The following SLC25A48 variants were observed in gnomAD, a reference collection of about 807,000 sequenced individuals.
The protein encoded by SLC25A48 is solute carrier family 25 member 48.
A neutral mutation model predicts 32.2 loss-of-function variants in SLC25A48; 29 were observed. That is an observed-to-expected ratio of 0.90 (90% CI 0.67 to 1.23). The LOEUF is 1.23. SLC25A48 is among the 50% of genes most tolerant of loss of function. The probability of loss-of-function intolerance (pLI) is 0.00; values close to 1 mark genes in which losing one functional copy is unlikely to be tolerated. For synonymous variants in SLC25A48, 164 were observed against 172.3 expected (o/e 0.95, Z 0.38); for missense variants, 399 against 422.7 (o/e 0.94, Z 0.49).
chr5:135,654,150 G>A (rs554695769), intron 3 of SLC25A48, among the ~76,000 whole-genome samples: 12 of 152,250 alleles, frequency 7.9e-5, no homozygotes, highest in African/African-American at 2.4e-4. Flanking sequence ...TTGTGAGTAC[G>A]GGTTACTAGG....
At chr5:135,634,304 C>T (rs1354629478) in intron 2 of SLC25A48, among the ~76,000 whole-genome samples, 1 of 152,224 alleles carries the variant, frequency 6.6e-6, no homozygotes, top group Admixed American at 6.5e-5. Flanking sequence ...AAATAACAGG[C>T]ATCTCTTCCA....
At chr5:135,819,076 G>A (rs1370916608) in intron 4 of SLC25A48, among the ~76,000 whole-genome samples, 2 of 151,616 alleles carry the variant, frequency 1.3e-5, no homozygotes, top group East Asian at 1.9e-4. Flanking sequence ...AGAGCCTCAG[G>A]GATCCATGGA....
At chr5:135,608,716 A>G (rs1751997973) in intron 1 of SLC25A48, among the ~76,000 whole-genome samples, 1 of 152,164 alleles carries the variant, frequency 6.6e-6, no homozygotes, top group Admixed American at 6.5e-5. Context: ...CTGAGCAGGA[A>G]ATGGAGGGTG....
Position 135,758,775 on chromosome 5 carries a change from C to T in SLC25A48, c.-520-53748C>T, listed in dbSNP as rs76942305. Among the ~76,000 whole-genome samples, 96 of 149,800 alleles carry T rather than the reference C, an allele frequency of 6.4e-4. 2 individuals are homozygous for T. In the East Asian group the frequency reaches 0.014, roughly 22 times the overall value. On this transcript the variant is annotated intron_variant, in intron 3 of 10. Coordinates refer to the SLC25A48 transcript ENST00000646290. ...ATAATACCAAGCATTAACACATTGA[C>T]GTTAATATATCATCTGTGCTATGAA...
intron 3 of SLC25A48, among the ~76,000 whole-genome samples, chr5:135,668,250 C>T (rs1361748612): frequency 6.6e-6 from 1 of 152,138 alleles, no homozygotes; most frequent in Non-Finnish European, 1.5e-5. Context: ...AACTCAGGAT[C>T]CTATAAGCTG....
intron 3 of SLC25A48, among the ~76,000 whole-genome samples, chr5:135,764,768 T>C (rs1489726972): frequency 6.7e-6 from 1 of 149,834 alleles, no homozygotes; most frequent in Non-Finnish European, 1.5e-5. Context: ...TGTGATATGG[T>C]TCATAATATC....
At position 135,586,455 on chromosome 5, in the gene SLC25A48, C is replaced by G. The variant is rs180713688; in HGVS notation, c.-849+6858C>G. 2.8e-3 allele frequency among the ~76,000 whole-genome samples: 424 copies of G among 152,346 alleles called. 1 individual carries two copies. The highest frequency in any genetic ancestry group is 9.2e-3 in the African/African-American group (383 of 41,578). Reference sequence around the variant, plus strand: ...ATTTAACTTGTGGCCTGTATTTTAACTGGCAACCCTACATCCAGTACCAGA... The same window carrying G: ...ATTTAACTTGTGGCCTGTATTTTAAGTGGCAACCCTACATCCAGTACCAGA... On this transcript the variant is annotated intron_variant, in intron 1 of 10. Transcript: ENST00000646290.
At chr5:135,692,888 G>A (rs1213878171) in intron 3 of SLC25A48, among the ~76,000 whole-genome samples, 1 of 152,230 alleles carries the variant, frequency 6.6e-6, no homozygotes, top group African/African-American at 2.4e-5. Context: ...CTTCCACTGA[G>A]CTGAAGACTG....
chr5:135,788,925 C>G (rs1364363977), intron 3 of SLC25A48, among the ~76,000 whole-genome samples: 1 of 149,212 alleles, frequency 6.7e-6, no homozygotes, highest in Non-Finnish European at 1.5e-5. Context: ...TGCGTAATAT[C>G]CGGGGGGAAG....
Position 135,752,347 on chromosome 5 carries a change from G to A in SLC25A48, c.-520-60176G>A, listed in dbSNP as rs368492211. 1.1e-4 allele frequency among the ~76,000 whole-genome samples: 16 copies of A among 152,342 alleles called. No homozygotes were observed. In the East Asian group the frequency reaches 2.7e-3, roughly 26 times the overall value. Reference sequence around the variant, plus strand: ...GCACTTTGGGAGGCCAAGGCAGGCAGATCACCTGAGGCCAGGAGTTCGAGA... The same window carrying A: ...GCACTTTGGGAGGCCAAGGCAGGCAAATCACCTGAGGCCAGGAGTTCGAGA... On this transcript the variant is annotated intron_variant, in intron 3 of 10. Coordinates refer to the SLC25A48 transcript ENST00000646290.
rs189332694 is a variant in SLC25A48 at position 135,786,520 on chromosome 5, C to T, written c.-520-26003C>T. 2.8e-4 allele frequency among the ~76,000 whole-genome samples: 43 copies of T among 152,118 alleles called. No homozygotes were observed. In the East Asian group the frequency reaches 7.5e-3, roughly 27 times the overall value. ...TAGGGGTTGTTTGTCTTAATGTCAC[C>T]GTGGCTGTATCTGATGTTTTTACAT... On this transcript the variant is annotated intron_variant, in intron 3 of 10. Coordinates refer to the SLC25A48 transcript ENST00000646290.
intron 4 of SLC25A48, among the ~76,000 whole-genome samples, chr5:135,856,968 GC>G (rs1265740498): frequency 6.6e-6 from 1 of 152,204 alleles, no homozygotes; most frequent in Non-Finnish European, 1.5e-5. Context: ...CAGCAATGAG[GC>G]TTTTTGGCTG....
At chr5:135,774,878 A>C (rs1447031313) in intron 3 of SLC25A48, among the ~76,000 whole-genome samples, 1 of 151,838 alleles carries the variant, frequency 6.6e-6, no homozygotes, top group Non-Finnish European at 1.5e-5. Context: ...TATTACTCCC[A>C]ATATTGCAGA....
chr5:135,733,014 C>T (rs1755267369), intron 3 of SLC25A48, among the ~76,000 whole-genome samples: 1 of 152,108 alleles, frequency 6.6e-6, no homozygotes, highest in African/African-American at 2.4e-5. Flanking sequence ...ATGGAGGACC[C>T]ATGCATAGTG....
chr5:135,718,971 A>G (rs1284607318), intron 3 of SLC25A48, among the ~76,000 whole-genome samples: 1 of 152,036 alleles, frequency 6.6e-6, no homozygotes, highest in Admixed American at 6.5e-5. Flanking sequence ...CACACACATA[A>G]ATGAGTACAA....
intron 1 of SLC25A48, among the ~76,000 whole-genome samples, chr5:135,614,571 T>C (rs1327211033): frequency 6.6e-6 from 1 of 152,234 alleles, no homozygotes; most frequent in African/African-American, 2.4e-5. Context: ...AAATGCTTAA[T>C]TTGTTGATAG....
chr5:135,604,013 T>C (rs7732567), intron 1 of SLC25A48, among the ~76,000 whole-genome samples: 77,504 of 152,090 alleles, frequency 0.51, 20,540 homozygotes, highest in African/African-American at 0.67. Flanking sequence ...AACAAACAGC[T>C]TTGACTTATT....
intron 3 of SLC25A48, among the ~76,000 whole-genome samples, chr5:135,767,332 G>T (rs1330236402): frequency 2.0e-5 from 3 of 151,824 alleles, no homozygotes; most frequent in Non-Finnish European, 1.5e-5. Flanking sequence ...GCGTACACTC[G>T]CCTGTTACAT....
At chr5:135,874,585 C>T (rs1761908147) in intron 6 of SLC25A48, 2 of 628,678 alleles carry the variant, frequency 3.2e-6, no homozygotes, top group Middle Eastern at 2.5e-4. Context: ...CAGCTCATCT[C>T]ACCAGCTCCA....
Sources: allele counts gnomAD v4.1 joint callset (sites outside exome capture counted in the v4.1 genomes callset), GRCh38; gene constraint gnomAD v4.1.1; transcripts MANE v1.5; gene names NCBI Gene and HGNC (gene_info 2026-07-23, HGNC 2026-07-21).